The following PTPN22 variants were observed in gnomAD, a reference collection of about 807,000 sequenced individuals.
PTPN22 encodes tyrosine-protein phosphatase non-receptor type 22.
A neutral mutation model predicts 103.3 loss-of-function variants in PTPN22; 85 were observed. That is an observed-to-expected ratio of 0.82 (90% CI 0.69 to 0.99). The LOEUF (loss-of-function observed/expected upper bound fraction) is 0.99, where lower values mean the gene tolerates loss of function less well. Among genes scored for constraint, PTPN22 ranks in the 50% least tolerant of loss-of-function variants. The pLI is 0.00. For missense variants in PTPN22, 865 were observed against 936.9 expected, an observed-to-expected ratio of 0.92 and a Z score of 1.00; for synonymous variants, 323 against 310.2, an observed-to-expected ratio of 1.04 and a Z score of -0.43.
intron 18 of PTPN22, chr1:113,829,308 A>G (rs1276730724): frequency 1.0e-5 from 2 of 195,038 alleles, no homozygotes; most frequent in African/African-American, 2.3e-5. Context: ...ATGTAGGTAA[A>G]CTGTGTGTCA....
chr1:113,871,502 G>T, intron 1 of PTPN22, 35 bp downstream of exon 1: 1 of 1,573,240 alleles, frequency 6.4e-7, no homozygotes, highest in Non-Finnish European at 8.7e-7. Context: ...AATAGTGTAT[G>T]TAACTACCCT....
chr1:113,827,001 AC>A (rs1662140876), intron 18 of PTPN22, among the ~76,000 whole-genome samples: 1 of 152,020 alleles, frequency 6.6e-6, no homozygotes, highest in African/African-American at 2.4e-5. Flanking sequence ...CAAGGAACCT[AC>A]CCAAATTTCT....
At chr1:113,871,663 G>C (rs1458047218) in exon 1 of PTPN22, 12 of 1,580,592 alleles carry the variant, frequency 7.6e-6, no homozygotes, top group Admixed American at 1.7e-5. Flanking sequence ...TAGGTTGAGG[G>C]AGGGCATGTC....
intron 19 of PTPN22, among the ~76,000 whole-genome samples, chr1:113,821,306 T>C (rs1661582658): frequency 6.6e-6 from 1 of 152,086 alleles, no homozygotes; most frequent in Non-Finnish European, 1.5e-5. Context: ...TTTTTTGTTT[T>C]GTTTTGTTTT....
In PTPN22 at chr1:113,830,142, A is replaced by G. The variant is rs1331173259; in HGVS notation, c.2054-113T>C. The G allele has an allele frequency of 7.9e-6, 6 of 755,308 alleles. No individual in the cohort carries two copies. In the African/African-American group the frequency reaches 1.1e-4, roughly 14 times the overall value. 46.8% of individuals were successfully genotyped at this position (755,308 alleles called of 1,614,324 possible). On this transcript the variant is annotated intron_variant, in intron 16 of 20. Transcript: ENST00000359785. ...AATCAATCAATCTTAGCCGACAATC[A>G]CCAAATAAAATATTATCTGAAAAAT... is the stretch of plus-strand genomic sequence containing the variant.
chr1:113,864,500 C>T, intron 1 of PTPN22: 1 of 270,830 alleles, frequency 3.7e-6, no homozygotes, highest in African/African-American at 2.3e-5. Context: ...GTGGCTCACA[C>T]CTGTAATCTC....
intron 11 of PTPN22, among the ~76,000 whole-genome samples, chr1:113,840,549 A>T (rs1403822154): frequency 6.6e-6 from 1 of 152,258 alleles, no homozygotes; most frequent in East Asian, 1.9e-4. Flanking sequence ...ATATAAATAA[A>T]TAGACATTCA....
At chr1:113,860,774 C>A (rs1665507360) in intron 1 of PTPN22, among the ~76,000 whole-genome samples, 1 of 152,178 alleles carries the variant, frequency 6.6e-6, no homozygotes, top group Non-Finnish European at 1.5e-5. Context: ...TCTCAAGTCC[C>A]AGAACAGTTT....
intron 1 of PTPN22, among the ~76,000 whole-genome samples, chr1:113,870,213 T>C (rs928313580): frequency 1.3e-5 from 2 of 152,176 alleles, no homozygotes; most frequent in African/African-American, 2.4e-5. Context: ...CCTGTGAGGA[T>C]AGGTAGGACA....
exon 15 of PTPN22, chr1:113,834,419 G>A: frequency 6.2e-7 from 1 of 1,613,100 alleles, no homozygotes; most frequent in East Asian, 2.2e-5. Flanking sequence ...AAGGATTTGG[G>A]AACATTTGGT....
chr1:113,857,668 C>T, intron 5 of PTPN22, 70 bp downstream of exon 5: 2 of 1,444,632 alleles, frequency 1.4e-6, no homozygotes, highest in Non-Finnish European at 1.9e-6. Context: ...GTAAGTTCTG[C>T]TGCCAATTTC....
intron 1 of PTPN22, among the ~76,000 whole-genome samples, chr1:113,865,455 T>A (rs924395236): frequency 1.3e-5 from 2 of 152,200 alleles, no homozygotes; most frequent in Non-Finnish European, 2.9e-5. Context: ...CTTGGGGTAG[T>A]TGTAACGATT....
intron 11 of PTPN22, among the ~76,000 whole-genome samples, chr1:113,843,091 C>A (rs1663721111): frequency 7.1e-5 from 1 of 14,114 alleles, no homozygotes; most frequent in African/African-American, 8.5e-4. Context: ...CAGAGCGAGA[C>A]TCCGTCTCAA....
intron 11 of PTPN22, among the ~76,000 whole-genome samples, chr1:113,842,072 T>A (rs1411957959): frequency 6.6e-6 from 1 of 151,894 alleles, no homozygotes; most frequent in African/African-American, 2.4e-5. Flanking sequence ...TAGCTTGGTG[T>A]GGTAGTGCAT....
intron 15 of PTPN22, among the ~76,000 whole-genome samples, chr1:113,833,745 T>C (rs1025841981): frequency 2.6e-5 from 4 of 152,164 alleles, no homozygotes; most frequent in Non-Finnish European, 4.4e-5. Context: ...TATTTTCTAT[T>C]TAATCCACAA....
At chr1:113,832,339 C>CA (rs1662618167) in intron 16 of PTPN22, among the ~76,000 whole-genome samples, 1 of 152,300 alleles carries the variant, frequency 6.6e-6, no homozygotes, top group Admixed American at 6.5e-5. Flanking sequence ...AGGCACCCGC[C>CA]ACCACGCCCA....
At chr1:113,854,364 C>T in intron 9 of PTPN22, 107 bp downstream of exon 9, 1 of 1,090,564 alleles carries the variant, frequency 9.2e-7, no homozygotes, top group Non-Finnish European at 1.4e-6. Flanking sequence ...AGTACATTTT[C>T]TAGAAAAGAT....
At chr1:113,848,594 T>C in exon 11 of PTPN22, 1 of 1,613,672 alleles carries the variant, frequency 6.2e-7, no homozygotes, top group East Asian at 2.2e-5. Context: ...TAAATAGTTC[T>C]AATACAGCAT....
At chr1:113,839,573 A>C (rs1319228282) in intron 11 of PTPN22, among the ~76,000 whole-genome samples, 2 of 152,084 alleles carry the variant, frequency 1.3e-5, no homozygotes, top group Non-Finnish European at 2.9e-5. Context: ...GGTTCATAGA[A>C]TCTTAAAATA....
Sources: allele counts gnomAD v4.1 joint callset (sites outside exome capture counted in the v4.1 genomes callset), GRCh38; gene constraint gnomAD v4.1.1; transcripts MANE v1.5; gene names NCBI Gene and HGNC (gene_info 2026-07-23, HGNC 2026-07-21).